The following ZNF536 variants were observed in gnomAD, a reference collection of about 807,000 sequenced individuals.
ZNF536 encodes the protein zinc finger protein 536.
A neutral mutation model predicts 84.5 loss-of-function variants in ZNF536; 13 were observed. That is an observed-to-expected ratio of 0.15 (90% CI 0.10 to 0.24). The LOEUF is 0.24. Among genes scored for constraint, ZNF536 ranks in the 10% least tolerant of loss-of-function variants. The pLI is 1.00. For missense variants in ZNF536, 1,536 were observed against 1,747.5 expected (o/e 0.88, Z 2.16); for synonymous variants, 811 against 742.5 (o/e 1.09, Z -1.50).
At chr19:30,250,340 G>T (rs1037302971) in intron 1 of ZNF536, among the ~76,000 whole-genome samples, 1 of 152,176 alleles carries the variant, frequency 6.6e-6, no homozygotes, top group African/African-American at 2.4e-5. Context: ...TCATCTACAG[G>T]GAACATATAC....
At chr19:30,566,623 T>C (rs2046356450) in intron 1 of ZNF536, among the ~76,000 whole-genome samples, 2 of 152,148 alleles carry the variant, frequency 1.3e-5, no homozygotes, top group Admixed American at 6.5e-5. Context: ...TCCCTGGGAG[T>C]GGCCTCTCCG....
intron 2 of ZNF536, among the ~76,000 whole-genome samples, chr19:30,513,329 T>C (rs1367402617): frequency 6.6e-6 from 1 of 152,196 alleles, no homozygotes; most frequent in Non-Finnish European, 1.5e-5. Context: ...AATCAGCGCC[T>C]AGGTTCTTGG....
At chr19:30,468,206 A>G (rs1468994539) in intron 2 of ZNF536, among the ~76,000 whole-genome samples, 1 of 152,230 alleles carries the variant, frequency 6.6e-6, no homozygotes, top group African/African-American at 2.4e-5. Flanking sequence ...TTTTAGAAAC[A>G]GAATCTCTGT....
At chr19:30,420,684 GA>G (rs1337752107) in intron 1 of ZNF536, among the ~76,000 whole-genome samples, 1 of 149,452 alleles carries the variant, frequency 6.7e-6, no homozygotes, top group African/African-American at 2.5e-5. Flanking sequence ...GCCCTCTGAG[GA>G]AAAAAAAAGT....
At chr19:30,261,024 C>T (rs576609031) in intron 1 of ZNF536, among the ~76,000 whole-genome samples, 4 of 152,238 alleles carry the variant, frequency 2.6e-5, no homozygotes, top group Non-Finnish European at 4.4e-5. Context: ...AGCGGCCGGG[C>T]GCGGTGGCTC....
intron 1 of ZNF536, among the ~76,000 whole-genome samples, chr19:30,640,861 C>T (rs192485967): frequency 1.4e-4 from 22 of 152,286 alleles, no homozygotes; most frequent in African/African-American, 3.9e-4. Flanking sequence ...AGCAGAATGC[C>T]GTCATTCACA....
intron 2 of ZNF536, among the ~76,000 whole-genome samples, chr19:30,451,252 C>T (rs551252960): frequency 6.6e-6 from 1 of 152,372 alleles, no homozygotes; most frequent in African/African-American, 2.4e-5. Context: ...ACTTGGGACG[C>T]CCTGCTCGTG....
chr19:30,403,613 C>T (rs1357774717), intron 1 of ZNF536, among the ~76,000 whole-genome samples: 1 of 152,214 alleles, frequency 6.6e-6, no homozygotes, highest in Non-Finnish European at 1.5e-5. Context: ...CTGCTATCCG[C>T]TTTATTGAAG....
rs1378399647 is a variant in ZNF536, at chr19:30,445,545, G to A, written c.1983G>A (p.Glu661=). 6.2e-7 allele frequency: 1 copy of A among 1,613,722 alleles called. No individual in the cohort carries two copies. Among genetic ancestry groups the A allele is most frequent in the East Asian group, 2.2e-5 (1 of 44,844 alleles). The part of the protein sequence containing the change: ...RVHKRDRKGE[E]DGLHVGLDER... ...ACAAGCGGGACCGCAAGGGCGAGGA[G>A]GATGGGCTGCACGTGGGCCTGGATG... Residue 661 remains glutamate, a synonymous_variant, in exon 2 of 5, where the codon GAG becomes GAA. Coordinates refer to ENST00000355537, the MANE Select transcript of ZNF536 (RefSeq NM_014717.3). The surrounding 1 kb of genome is among the most constrained non-coding windows in gnomAD (Gnocchi z 4.5).
At chr19:30,269,287 G>T (rs1415277304) in intron 1 of ZNF536, among the ~76,000 whole-genome samples, 1 of 152,198 alleles carries the variant, frequency 6.6e-6, no homozygotes, top group Non-Finnish European at 1.5e-5. Flanking sequence ...TGAACATGAG[G>T]ACTCAGTGGG....
chr19:30,580,306 CT>C (rs553808965), intron 1 of ZNF536, among the ~76,000 whole-genome samples: 2 of 152,184 alleles, frequency 1.3e-5, no homozygotes, highest in Non-Finnish European at 2.9e-5. Flanking sequence ...AGGGCCCATG[CT>C]GAAGAGACCT....
chr19:30,541,434 T>C (rs1479061597), intron 3 of ZNF536, among the ~76,000 whole-genome samples: 1 of 152,188 alleles, frequency 6.6e-6, no homozygotes, highest in Non-Finnish European at 1.5e-5. Flanking sequence ...AGATAAGTCT[T>C]TTTTTCTTTT....
At chr19:30,536,265 G>A (rs1288551337) in intron 3 of ZNF536, among the ~76,000 whole-genome samples, 3 of 152,074 alleles carry the variant, frequency 2.0e-5, no homozygotes, top group Non-Finnish European at 4.4e-5. Flanking sequence ...TGTTCCAGCT[G>A]CAGGACCTGT....
chr19:30,664,231 TCTCTCTCTCTCTCTC>T (rs2050231990), intron 1 of ZNF536, among the ~76,000 whole-genome samples: 1 of 141,616 alleles, frequency 7.1e-6, no homozygotes, highest in East Asian at 2.0e-4. Context: ...TCTCTCTCTC[TCTCTCTCTCTCTCTC>T]TCTCTCTCTC....
chr19:30,623,042 T>C (rs2048546377), intron 1 of ZNF536, among the ~76,000 whole-genome samples: 1 of 148,368 alleles, frequency 6.7e-6, no homozygotes, highest in East Asian at 1.9e-4. Context: ...GTTTTTTTGT[T>C]TTTTTGTTTT....
chr19:30,464,336 C>G (rs973089255), intron 2 of ZNF536, among the ~76,000 whole-genome samples: 7 of 152,146 alleles, frequency 4.6e-5, no homozygotes, highest in Non-Finnish European at 1.0e-4. Flanking sequence ...GGGGTGTCGA[C>G]CAGAGCCTGG....
At chr19:30,317,070 C>A (rs1384901095) in intron 2 of ZNF536, among the ~76,000 whole-genome samples, 2 of 152,100 alleles carry the variant, frequency 1.3e-5, no homozygotes, top group Non-Finnish European at 2.9e-5. Flanking sequence ...TCTTAAGGTG[C>A]CCAAAGCTCT....
chr19:30,505,388 A>G lies in ZNF536; in HGVS notation c.2171-29459A>G, dbSNP rs184372907. Among the ~76,000 whole-genome samples the G allele has an allele frequency of 3.8e-3, 565 of 147,842 alleles. 3 individuals are homozygous for G. The highest frequency in any genetic ancestry group is 5.6e-3 in the Non-Finnish European group (377 of 67,112). On this transcript the variant is annotated intron_variant, in intron 2 of 4. Coordinates refer to ENST00000355537, the MANE Select transcript of ZNF536 (RefSeq NM_014717.3). ...TGATATATGAATGTATACTATATATATGGTATAAGATATATTAAGATATGA... is the reference window on the plus strand; with the variant it reads ...TGATATATGAATGTATACTATATATGTGGTATAAGATATATTAAGATATGA...
At chr19:30,651,242 G>A (rs2049692966) in intron 1 of ZNF536, among the ~76,000 whole-genome samples, 1 of 152,214 alleles carries the variant, frequency 6.6e-6, no homozygotes, top group Non-Finnish European at 1.5e-5. Flanking sequence ...GGCGAGGGAG[G>A]TGCCTGTATT....
Sources: gnomAD v4.1 joint callset for allele counts (sites outside exome capture counted in the v4.1 genomes callset) on GRCh38, gnomAD v4.1.1 for gene constraint, Gnocchi (gnomAD v3.1) non-coding constraint, MANE v1.5 for transcripts, NCBI Gene and HGNC (gene_info 2026-07-23, HGNC 2026-07-21) for gene names.